Variants in CAMTA1 observed in about 807,000 individuals in gnomAD.
CAMTA1 encodes calmodulin binding transcription activator 1.
In CAMTA1, 27 loss-of-function variants were observed where a neutral mutation model predicts 170.9. The ratio of observed to expected loss-of-function variants is 0.16; its 90% CI spans 0.12 to 0.22. The LOEUF (loss-of-function observed/expected upper bound fraction) is 0.22, where lower values mean the gene tolerates loss of function less well. CAMTA1 is among the 10% of genes least tolerant of loss of function. The pLI, the probability that CAMTA1 is intolerant of heterozygous loss-of-function variation, is 1.00. For missense variants in CAMTA1, 1,619 were observed against 2,217.2 expected, an observed-to-expected ratio of 0.73 and a Z score of 5.42; for synonymous variants, 833 against 891.5, an observed-to-expected ratio of 0.93 and a Z score of 1.17.
At chr1:7,573,445 G>A (rs1284382543) in intron 6 of CAMTA1, among the ~76,000 whole-genome samples, 1 of 152,238 alleles carries the variant, frequency 6.6e-6, no homozygotes, top group Non-Finnish European at 1.5e-5. Context: ...GAAGGGAACA[G>A]TGGTCCCTGG....
rs79941786 is a variant in CAMTA1, at chr1:7,731,972, T to A, written c.2915-476T>A. 3.7e-3 allele frequency among the ~76,000 whole-genome samples: 566 copies of A among 151,558 alleles called. 4 individuals are homozygous for A. Among genetic ancestry groups the A allele is most frequent in the African/African-American group, 0.013 (546 of 41,334 alleles). On this transcript the variant is annotated intron_variant, in intron 11 of 22. Coordinates refer to ENST00000303635, the MANE Select transcript of CAMTA1 (RefSeq NM_015215.4). Reference sequence around the variant, plus strand: ...GCTCAGGAAATAAAATTTAAAACAATTTTTTTTTGTAAAAACTCAGTGTTT... The same window carrying A: ...GCTCAGGAAATAAAATTTAAAACAAATTTTTTTTGTAAAAACTCAGTGTTT...
chr1:6,807,634 C>T (rs1015401758), intron 1 of CAMTA1, among the ~76,000 whole-genome samples: 3 of 151,238 alleles, frequency 2.0e-5, no homozygotes, highest in Middle Eastern at 3.2e-3. Context: ...GCAGGAGAAT[C>T]GCTTGAATCC....
chr1:6,962,535 T>G (rs1228168963), intron 3 of CAMTA1, among the ~76,000 whole-genome samples: 1 of 146,854 alleles, frequency 6.8e-6, no homozygotes, highest in Non-Finnish European at 1.5e-5. Flanking sequence ...CCTCGTCTGG[T>G]CCCATCCACC....
At chr1:7,613,594 C>A (rs2095538278) in intron 6 of CAMTA1, among the ~76,000 whole-genome samples, 1 of 152,028 alleles carries the variant, frequency 6.6e-6, no homozygotes, top group African/African-American at 2.4e-5. Context: ...AAATTGGGGA[C>A]AAGTTAAATA....
chr1:7,096,428 T>G (rs761044640), intron 4 of CAMTA1, among the ~76,000 whole-genome samples: 1 of 152,216 alleles, frequency 6.6e-6, no homozygotes, highest in Non-Finnish European at 1.5e-5. Flanking sequence ...CTGTGGATCA[T>G]TCCCCACATC....
chr1:7,137,302 T>A (rs2148584164), intron 4 of CAMTA1, among the ~76,000 whole-genome samples: 1 of 152,296 alleles, frequency 6.6e-6, no homozygotes, highest in South Asian at 2.1e-4. Context: ...GGTAGAGCCC[T>A]CTTTTAGGAT....
chr1:6,901,492 T>C (rs971481654), intron 3 of CAMTA1, among the ~76,000 whole-genome samples: 3 of 152,112 alleles, frequency 2.0e-5, no homozygotes, highest in Non-Finnish European at 2.9e-5. Context: ...TAATAAGGGA[T>C]CCATAATGTA....
In CAMTA1 at chr1:7,534,678, G is replaced by A. The variant is rs1048916715; in HGVS notation, c.510+66777G>A. 7.2e-5 allele frequency among the ~76,000 whole-genome samples: 11 copies of A among 152,174 alleles called. No individual in the cohort carries two copies. Among genetic ancestry groups the A allele is most frequent in the African/African-American group, 2.2e-4 (9 of 41,446 alleles). On this transcript the variant is annotated intron_variant, in intron 6 of 22. Coordinates refer to ENST00000303635, the MANE Select transcript of CAMTA1 (RefSeq NM_015215.4). The surrounding 1 kb of genome is among the most constrained non-coding windows in gnomAD (Gnocchi z 5.6). Reference sequence around the variant, plus strand: ...ACAGCAGTGGACGTTCGGGCCGAGGGGAGCTGAGGCCACGGCGGGGACTCC... The same window carrying A: ...ACAGCAGTGGACGTTCGGGCCGAGGAGAGCTGAGGCCACGGCGGGGACTCC...
At chr1:6,921,195 C>T (rs1365999298) in intron 3 of CAMTA1, among the ~76,000 whole-genome samples, 1 of 152,248 alleles carries the variant, frequency 6.6e-6, no homozygotes, top group Non-Finnish European at 1.5e-5. Flanking sequence ...TAACCTAAAT[C>T]ATCTTTCTCA....
intron 6 of CAMTA1, among the ~76,000 whole-genome samples, chr1:7,638,768 T>C (rs2095736455): frequency 6.6e-6 from 1 of 152,114 alleles, no homozygotes; most frequent in African/African-American, 2.4e-5. Context: ...AACTTGTCAG[T>C]ATTGTCGTGG....
intron 6 of CAMTA1, among the ~76,000 whole-genome samples, chr1:7,486,994 G>T (rs184933231): frequency 6.6e-6 from 1 of 150,588 alleles, no homozygotes; most frequent in Non-Finnish European, 1.5e-5. Context: ...ACAGAAATGA[G>T]AATAGCACCT....
intron 5 of CAMTA1, among the ~76,000 whole-genome samples, chr1:7,370,914 C>CCTTTTT: frequency 9.1e-6 from 1 of 109,984 alleles, no homozygotes; most frequent in South Asian, 3.1e-4. Flanking sequence ...TTCTTTCTTT[C>CCTTTTT]TTTTTTTTTT....
At chr1:7,363,351 A>G (rs1469758270) in intron 5 of CAMTA1, among the ~76,000 whole-genome samples, 4 of 152,116 alleles carry the variant, frequency 2.6e-5, no homozygotes, top group African/African-American at 9.7e-5. Flanking sequence ...GGCTCTAGCT[A>G]TAAAATATTA....
At chr1:7,339,378 A>C (rs558832505) in intron 5 of CAMTA1, among the ~76,000 whole-genome samples, 31 of 152,294 alleles carry the variant, frequency 2.0e-4, no homozygotes, top group Non-Finnish European at 2.9e-4. Context: ...GCCCTCTCCA[A>C]GGAGGGACAT....
intron 4 of CAMTA1, among the ~76,000 whole-genome samples, chr1:7,120,264 C>T (rs752680496): frequency 6.6e-6 from 1 of 152,178 alleles, no homozygotes; most frequent in Non-Finnish European, 1.5e-5. Flanking sequence ...CTTCAATGTC[C>T]CTCATGAAGC....
chr1:7,033,344 G>A (rs1042385807), intron 3 of CAMTA1, among the ~76,000 whole-genome samples: 6 of 152,034 alleles, frequency 3.9e-5, no homozygotes, highest in Non-Finnish European at 8.8e-5. Context: ...TTTCACTGCA[G>A]TTTGCATCTT....
chr1:7,221,408 G>A lies in CAMTA1; in HGVS notation c.303-28083G>A, dbSNP rs150034512. Among the ~76,000 whole-genome samples, 272 of 152,272 alleles carry A rather than the reference G, an allele frequency of 1.8e-3. 2 individuals carry two copies. Among genetic ancestry groups the A allele is most frequent in the African/African-American group, 6.3e-3 (260 of 41,550 alleles). On this transcript the variant is annotated intron_variant, in intron 4 of 22. Coordinates refer to ENST00000303635, the MANE Select transcript of CAMTA1 (RefSeq NM_015215.4). ...GAGTCTTGCCTTCGGGGGCTTTCAC[G>A]AGCAGAGCCATTGCTCCGGCTTTTG...
rs139801381 is a variant in CAMTA1, at chr1:7,656,229, G to A, written c.665-5497G>A. 1.3e-3 allele frequency among the ~76,000 whole-genome samples: 192 copies of A among 152,356 alleles called. 2 individuals are homozygous for A. In the East Asian group the frequency reaches 0.033, roughly 26 times the overall value. On this transcript the variant is annotated intron_variant, in intron 7 of 22. Coordinates refer to ENST00000303635, the MANE Select transcript of CAMTA1 (RefSeq NM_015215.4). ...CCTCACAGTGTGCCACAGACTGGCG[G>A]CTTAAACAACAGAAATTGATCGTCT...
At chr1:6,935,282 C>CAAAACCCTTTCTCTCTTACAATT (rs1685112553) in intron 3 of CAMTA1, among the ~76,000 whole-genome samples, 1 of 152,122 alleles carries the variant, frequency 6.6e-6, no homozygotes, top group Non-Finnish European at 1.5e-5. Context: ...TTCTCCTTTA[C>CAAAACCCTTTCTCTCTTACAATT]AAGGCCAAGT....
Sources: allele counts gnomAD v4.1 joint callset (sites outside exome capture counted in the v4.1 genomes callset), GRCh38; gene constraint gnomAD v4.1.1; non-coding constraint Gnocchi (gnomAD v3.1); transcripts MANE v1.5; gene names NCBI Gene and HGNC (gene_info 2026-07-23, HGNC 2026-07-21).